DLGAP1: variants seen among roughly 807,000 people sequenced by gnomAD.
DLGAP1 encodes disks large-associated protein 1.
DLGAP1 carries 11 observed loss-of-function variants against 90.8 expected under a neutral mutation model. The ratio of observed to expected loss-of-function variants is 0.12; its 90% CI spans 0.08 to 0.20. The LOEUF (loss-of-function observed/expected upper bound fraction) is 0.20, where lower values mean the gene tolerates loss of function less well. Among genes scored for constraint, DLGAP1 ranks in the 10% least tolerant of loss-of-function variants. DLGAP1 has a pLI of 1.00. For missense variants in DLGAP1, 1,050 were observed against 1,333.8 expected (o/e 0.79, Z 3.31); for synonymous variants, 558 against 540.7 (o/e 1.03, Z -0.44).
intron 2 of DLGAP1, among the ~76,000 whole-genome samples, chr18:4,029,757 G>T (rs1350207939): frequency 2.0e-5 from 3 of 152,104 alleles, no homozygotes; most frequent in Non-Finnish European, 4.4e-5. Flanking sequence ...CACCAGGCAG[G>T]TTCTTCCCTT....
intron 1 of DLGAP1, among the ~76,000 whole-genome samples, chr18:4,450,775 A>G (rs16946854): frequency 0.13 from 19,486 of 152,250 alleles, 1,415 homozygotes; most frequent in South Asian, 0.22. Flanking sequence ...GCAAACCATG[A>G]TAAGTGAATA....
chr18:3,559,777 C>T (rs371557566), intron 9 of DLGAP1, among the ~76,000 whole-genome samples: 10 of 151,902 alleles, frequency 6.6e-5, no homozygotes, highest in East Asian at 5.8e-4. Flanking sequence ...CAAGTGCCAC[C>T]GTGCCCAGCT....
At chr18:3,930,958 C>A (rs975282075) in intron 3 of DLGAP1, among the ~76,000 whole-genome samples, 25 of 152,216 alleles carry the variant, frequency 1.6e-4, no homozygotes, top group African/African-American at 6.0e-4. Flanking sequence ...ATGTTGGCAT[C>A]TGGGCTGGGG....
chr18:3,662,780 T>C (rs2146620453), intron 7 of DLGAP1, among the ~76,000 whole-genome samples: 1 of 152,366 alleles, frequency 6.6e-6, no homozygotes, highest in South Asian at 2.1e-4. Context: ...TGGTAATGCC[T>C]GGCGTATAGC....
intron 2 of DLGAP1, among the ~76,000 whole-genome samples, chr18:4,089,883 A>C (rs944272023): frequency 1.3e-5 from 2 of 152,172 alleles, no homozygotes; most frequent in African/African-American, 4.8e-5. Context: ...GTCTCTACTA[A>C]AAACACAAAA....
intron 1 of DLGAP1, among the ~76,000 whole-genome samples, chr18:4,206,045 A>G (rs1046257596): frequency 3.9e-5 from 6 of 152,144 alleles, no homozygotes; most frequent in Non-Finnish European, 7.4e-5. Flanking sequence ...GGGCTTTGCT[A>G]AGTATCTGGT....
At chr18:4,155,154 G>A (rs1390553466) in intron 1 of DLGAP1, among the ~76,000 whole-genome samples, 1 of 152,088 alleles carries the variant, frequency 6.6e-6, no homozygotes, top group East Asian at 1.9e-4. Context: ...TCCAGGCAGA[G>A]GGACTGCAGG....
intron 9 of DLGAP1, among the ~76,000 whole-genome samples, chr18:3,542,525 T>C (rs995169355): frequency 6.6e-6 from 1 of 152,180 alleles, no homozygotes; most frequent in East Asian, 1.9e-4. Flanking sequence ...AGACAGTGGA[T>C]AAATCATTTG....
At chr18:4,231,706 A>G (rs1384432656) in intron 1 of DLGAP1, among the ~76,000 whole-genome samples, 2 of 152,092 alleles carry the variant, frequency 1.3e-5, no homozygotes, top group African/African-American at 4.8e-5. Flanking sequence ...CAAATTCTTT[A>G]TTTTAAAAAC....
intron 6 of DLGAP1, among the ~76,000 whole-genome samples, chr18:3,741,645 A>G (rs1272505399): frequency 6.6e-6 from 1 of 151,988 alleles, no homozygotes; most frequent in African/African-American, 2.4e-5. Flanking sequence ...ACACACCAAC[A>G]TCACCACTAT....
intron 3 of DLGAP1, among the ~76,000 whole-genome samples, chr18:3,924,201 C>G (rs865917707): frequency 2.6e-5 from 4 of 152,328 alleles, no homozygotes; most frequent in Middle Eastern, 3.4e-3. Flanking sequence ...GCCATAGAAT[C>G]ACTGCTGCCC....
intron 2 of DLGAP1, among the ~76,000 whole-genome samples, chr18:4,049,191 C>T (rs1025099988): frequency 6.1e-5 from 9 of 148,560 alleles, no homozygotes; most frequent in African/African-American, 2.3e-4. Context: ...CACGCCACTG[C>T]ACTCCAGCCT....
intron 7 of DLGAP1, among the ~76,000 whole-genome samples, chr18:3,651,818 CA>C (rs2059315563): frequency 6.6e-6 from 1 of 151,934 alleles, no homozygotes; most frequent in Non-Finnish European, 1.5e-5. Context: ...ACTATAAATA[CA>C]AAATAGCCGG....
At chr18:3,672,530 T>C (rs1461483159) in intron 7 of DLGAP1, among the ~76,000 whole-genome samples, 1 of 122,076 alleles carries the variant, frequency 8.2e-6, no homozygotes, top group African/African-American at 3.1e-5. Flanking sequence ...TGAGCCAAGA[T>C]CTCGCCATTG....
intron 7 of DLGAP1, chr18:3,655,860 C>T: frequency 4.2e-6 from 2 of 473,318 alleles, no homozygotes; most frequent in Non-Finnish European, 3.7e-6. Context: ...CAGAAACAGA[C>T]ATGTTGGTGC....
chr18:4,073,623 T>A (rs569935549), intron 2 of DLGAP1, among the ~76,000 whole-genome samples: 1 of 152,250 alleles, frequency 6.6e-6, no homozygotes, highest in South Asian at 2.1e-4. Context: ...TAGGCAGAAA[T>A]AAATAAGCAG....
chr18:3,599,146 G>C (rs566577208), intron 7 of DLGAP1, among the ~76,000 whole-genome samples: 1 of 152,324 alleles, frequency 6.6e-6, no homozygotes, highest in African/African-American at 2.4e-5. Flanking sequence ...AACAGTCTAG[G>C]AACCTAGGAA....
chr18:3,767,857 T>A (rs1189877441), intron 5 of DLGAP1, among the ~76,000 whole-genome samples: 3 of 152,132 alleles, frequency 2.0e-5, no homozygotes, highest in Non-Finnish European at 4.4e-5. Context: ...CCTAAGATCA[T>A]GAACAAGACA....
At chr18:4,181,318 T>C (rs1310910546) in intron 1 of DLGAP1, among the ~76,000 whole-genome samples, 1 of 152,194 alleles carries the variant, frequency 6.6e-6, no homozygotes, top group African/African-American at 2.4e-5. Context: ...ACTTGGAATC[T>C]TGCTTTTAAT....
Sources: allele counts gnomAD v4.1 joint callset (sites outside exome capture counted in the v4.1 genomes callset), GRCh38; gene constraint gnomAD v4.1.1; transcripts MANE v1.5; gene names NCBI Gene and HGNC (gene_info 2026-07-23, HGNC 2026-07-21).